The following KLF13 variants were observed in gnomAD, a reference collection of about 807,000 sequenced individuals.
KLF13 encodes the protein Krueppel-like factor 13.
Under a neutral mutation model 16.7 loss-of-function variants are expected in KLF13, and 8 were observed. That is an observed-to-expected ratio of 0.48 (90% CI 0.28 to 0.87). The LOEUF (loss-of-function observed/expected upper bound fraction) is 0.87. Ranked by LOEUF, KLF13 falls within the 40% of genes least tolerant of loss-of-function variation. The pLI is 0.10. For missense variants in KLF13, 447 were observed against 452.2 expected, an observed-to-expected ratio of 0.99 and a Z score of 0.10; for synonymous variants, 245 against 208.4, an observed-to-expected ratio of 1.18 and a Z score of -1.51.
At chr15:31,355,838 C>A (rs2039291201) in intron 1 of KLF13, among the ~76,000 whole-genome samples, 1 of 151,956 alleles carries the variant, frequency 6.6e-6, no homozygotes, top group Non-Finnish European at 1.5e-5. Flanking sequence ...CCCAGCCCCC[C>A]ATTTGTCCCC....
At chr15:31,378,499 C>T (rs1234859051), downstream of KLF13, among the ~76,000 whole-genome samples, 1 of 152,148 alleles carries the variant, frequency 6.6e-6, no homozygotes, top group Non-Finnish European at 1.5e-5. Context: ...CTGGCTGTCC[C>T]CAGGGCAGAT....
intron 2 of KLF13, among the ~76,000 whole-genome samples, chr15:31,401,374 G>A (rs2140992192): frequency 6.6e-6 from 1 of 152,344 alleles, no homozygotes; most frequent in African/African-American, 2.4e-5. Context: ...GGTCCCTTGG[G>A]CCTGCTTTTT....
chr15:31,342,657 G>C (rs568216178), intron 1 of KLF13, among the ~76,000 whole-genome samples: 45 of 152,356 alleles, frequency 3.0e-4, no homozygotes, highest in African/African-American at 9.6e-4. Flanking sequence ...TTGTTTACAG[G>C]AGTAATTGCC....
At chr15:31,390,333 C>T (rs888587631), upstream of KLF13, among the ~76,000 whole-genome samples, 5 of 152,178 alleles carry the variant, frequency 3.3e-5, no homozygotes, top group East Asian at 1.9e-4. Context: ...ATGCATGGGA[C>T]GATGGGTTTC....
chr15:31,351,955 T>G (rs2039223760), intron 1 of KLF13, among the ~76,000 whole-genome samples: 1 of 150,704 alleles, frequency 6.6e-6, no homozygotes, highest in Non-Finnish European at 1.5e-5. Flanking sequence ...GAGGTTGCAG[T>G]GAGCTGAGAT....
chr15:31,385,601 C>T (rs777695361), intron 1 of KLF13, among the ~76,000 whole-genome samples: 1 of 152,176 alleles, frequency 6.6e-6, no homozygotes, highest in Non-Finnish European at 1.5e-5. Flanking sequence ...GATCAGTGAT[C>T]TTTGATGTTA....
chr15:31,411,824 T>C (rs965191951), intron 1 of KLF13, among the ~76,000 whole-genome samples: 4 of 152,208 alleles, frequency 2.6e-5, no homozygotes, highest in Non-Finnish European at 5.9e-5. Context: ...TGTCAATCTA[T>C]TTGAAATAAA....
chr15:31,376,417 C>T lies in KLF13; in HGVS notation c.*4118C>T, dbSNP rs2039646989. 6.6e-6 allele frequency: 1 copy of T among 152,314 alleles called. No homozygotes were observed. The highest frequency in any genetic ancestry group is 2.4e-5 in the African/African-American group (1 of 41,458). The allele number at this position is 152,314 out of a possible 1,614,324, so 9.4% of individuals were successfully genotyped here. A position where few individuals can be genotyped will look rare whatever the true frequency, so the allele number is the denominator to read the frequency against. On this transcript the variant is annotated 3_prime_UTR_variant, in exon 2 of 2. Transcript: ENST00000307145. ...AAAGGGTGTAATGTGTTGGTCACATCACAACCAGTAAGAAACGCTTGGTAG... is the reference window on the plus strand; with the variant it reads ...AAAGGGTGTAATGTGTTGGTCACATTACAACCAGTAAGAAACGCTTGGTAG...
intron 1 of KLF13, among the ~76,000 whole-genome samples, chr15:31,383,261 TG>T (rs2039750082): frequency 6.6e-6 from 1 of 152,230 alleles, no homozygotes; most frequent in Non-Finnish European, 1.5e-5. Context: ...TGTTGGCCTG[TG>T]GGGGCGGAAC....
chr15:31,422,900 G>T (rs2141009534), intron 1 of KLF13, among the ~76,000 whole-genome samples: 1 of 151,608 alleles, frequency 6.6e-6, no homozygotes, highest in Non-Finnish European at 1.5e-5. Flanking sequence ...AGCTGGGCTT[G>T]GTGGTGGACA....
intron 1 of KLF13, among the ~76,000 whole-genome samples, chr15:31,383,634 C>T (rs1000499659): frequency 1.3e-5 from 2 of 152,368 alleles, no homozygotes; most frequent in East Asian, 1.9e-4. Flanking sequence ...GGCGCGGTGG[C>T]TCACGCCTAT....
intron 1 of KLF13, among the ~76,000 whole-genome samples, chr15:31,344,613 G>A (rs966541819): frequency 6.6e-6 from 1 of 152,268 alleles, no homozygotes; most frequent in African/African-American, 2.4e-5. Context: ...GGACTGTGGG[G>A]GTTTGGGCCA....
intron 1 of KLF13, among the ~76,000 whole-genome samples, chr15:31,387,689 C>T (rs1332442313): frequency 6.6e-6 from 1 of 152,192 alleles, no homozygotes; most frequent in Non-Finnish European, 1.5e-5. Context: ...AAATGTTTGA[C>T]AATTTGACAG....
intron 1 of KLF13, among the ~76,000 whole-genome samples, chr15:31,345,719 C>T (rs1453340557): frequency 7.2e-5 from 11 of 152,190 alleles, no homozygotes; most frequent in African/African-American, 2.2e-4. Flanking sequence ...GTTGTGAGGC[C>T]GCAGCCTGAG....
chr15:31,418,878 G>C (rs1485902824), intron 1 of KLF13, among the ~76,000 whole-genome samples: 4 of 152,184 alleles, frequency 2.6e-5, no homozygotes, highest in Non-Finnish European at 5.9e-5. Flanking sequence ...GGGAGACCAA[G>C]GCTAGAAGAT....
intron 1 of KLF13, among the ~76,000 whole-genome samples, chr15:31,418,183 T>C (rs977327949): frequency 2.0e-5 from 3 of 152,168 alleles, no homozygotes; most frequent in African/African-American, 7.2e-5. Context: ...ATATACTGTA[T>C]ATCAAATCTT....
chr15:31,327,756 T>C lies in KLF13; in HGVS notation c.544T>C (p.Ser182Pro). The change falls in exon 1 of 2, where the codon TCG becomes CCG. Residue 182 changes from serine to proline, a missense_variant. Physicochemically the swap from Ser to Pro is moderately conservative, Grantham distance 74. Around this residue, in one of 2 missense-constraint regions of KLF13, gnomAD observed 359 missense variants for 282.8 expected, o/e 1.27. Coordinates refer to ENST00000307145, the MANE Select transcript of KLF13 (RefSeq NM_015995.4). ...CTGCGAGAAAGTTTACGGGAAATCTTCGCACCTCAAGGCGCACCTGAGAAC... is the reference window on the plus strand; with the variant it reads ...CTGCGAGAAAGTTTACGGGAAATCTCCGCACCTCAAGGCGCACCTGAGAAC... ...AGCEKVYGKS[S>P]HLKAHLRTHT... The C allele has an allele frequency of 6.5e-7, 1 of 1,532,682 alleles. No individual in the cohort carries two copies. Among genetic ancestry groups the C allele is most frequent in the Non-Finnish European group, 8.8e-7 (1 of 1,135,328 alleles). 94.9% of individuals were successfully genotyped at this position (1,532,682 alleles called of 1,614,324 possible). A position where few individuals can be genotyped will look rare whatever the true frequency, so the allele number is the denominator to read the frequency against.
chr15:31,362,187 T>A (rs895248709), intron 1 of KLF13, among the ~76,000 whole-genome samples: 1 of 152,210 alleles, frequency 6.6e-6, no homozygotes, highest in Non-Finnish European at 1.5e-5. Flanking sequence ...GAACTGCTTC[T>A]GTTTAAATCC....
rs141007992 is a variant in KLF13 at position 31,333,958 on chromosome 15, G to C, written c.577+6169G>C. ...GGGCACTTCCATCGCCTCATGGGGGGGGGAGGGCATGGGATATTAGCCTGT... is the reference window on the plus strand; with the variant it reads ...GGGCACTTCCATCGCCTCATGGGGGCGGGAGGGCATGGGATATTAGCCTGT... On this transcript the variant is annotated intron_variant, in intron 1 of 1. Transcript: ENST00000307145. 2.2e-3 allele frequency among the ~76,000 whole-genome samples: 333 copies of C among 152,298 alleles called. 1 individual carries two copies. Among genetic ancestry groups the C allele is most frequent in the Middle Eastern group, 6.8e-3 (2 of 294 alleles).
Sources: allele counts gnomAD v4.1 joint callset (sites outside exome capture counted in the v4.1 genomes callset), GRCh38; gene constraint gnomAD v4.1.1; regional missense constraint gnomAD v4.1.1; transcripts MANE v1.5; gene names NCBI Gene and HGNC (gene_info 2026-07-23, HGNC 2026-07-21).